The following TRDN variants were observed in gnomAD, a reference collection of about 807,000 sequenced individuals.
TRDN encodes triadin.
Under a neutral mutation model 149.7 loss-of-function variants are expected in TRDN, and 161 were observed. The ratio of observed to expected loss-of-function variants is 1.08; its 90% CI spans 0.95 to 1.23. TRDN has a LOEUF of 1.23. Among genes scored for constraint, TRDN ranks in the 50% most tolerant of loss-of-function variants. TRDN has a pLI of 0.00. For missense variants in TRDN, 896 were observed against 823.5 expected (o/e 1.09, Z -1.08); for synonymous variants, 294 against 250.5 (o/e 1.17, Z -1.64).
At chr6:123,258,490 T>G (rs987054170) in intron 35 of TRDN, among the ~76,000 whole-genome samples, 1 of 152,166 alleles carries the variant, frequency 6.6e-6, no homozygotes, top group African/African-American at 2.4e-5. Flanking sequence ...GAAGCTGACT[T>G]GATTGTGGTG....
At position 123,279,771 on chromosome 6, in the gene TRDN, G is replaced by A. The variant is rs566284379; in HGVS notation, c.1511-689C>T. 6.0e-4 allele frequency among the ~76,000 whole-genome samples: 91 copies of A among 151,876 alleles called. No individual in the cohort carries two copies. The South Asian group carries it at 6.2e-3, about 10-fold the overall frequency. ...TTGATCACTTTCCCTTTCTTTTTAA[G>A]TTCCTGTTCACTTGGCTTTTGGGAA... On this transcript the variant is annotated intron_variant, in intron 24 of 40. Transcript: ENST00000334268.
intron 1 of TRDN, among the ~76,000 whole-genome samples, chr6:123,599,566 G>C (rs1162794942): frequency 6.6e-6 from 1 of 151,456 alleles, no homozygotes; most frequent in African/African-American, 2.4e-5. Flanking sequence ...CCATTTTTTT[G>C]TTAATCCCTT....
At chr6:123,508,466 C>G (rs1779028243) in intron 7 of TRDN, among the ~76,000 whole-genome samples, 1 of 152,092 alleles carries the variant, frequency 6.6e-6, no homozygotes. Context: ...TAACCTCTGC[C>G]ACATCATCAA....
At chr6:123,517,653 T>C (rs1303403926) in intron 5 of TRDN, among the ~76,000 whole-genome samples, 1 of 152,108 alleles carries the variant, frequency 6.6e-6, no homozygotes, top group African/African-American at 2.4e-5. Flanking sequence ...TGCTAGTAGC[T>C]CCACAAGCAC....
chr6:123,491,129 G>A (rs1446840453), intron 9 of TRDN, among the ~76,000 whole-genome samples: 4 of 150,590 alleles, frequency 2.7e-5, no homozygotes, highest in East Asian at 1.9e-4. Flanking sequence ...AAGAAGGAAC[G>A]AAAGAAGGAA....
intron 38 of TRDN, among the ~76,000 whole-genome samples, chr6:123,240,176 C>A (rs1775936954): frequency 6.6e-6 from 1 of 151,824 alleles, no homozygotes; most frequent in African/African-American, 2.4e-5. Context: ...AGTGAAGTTA[C>A]AGTATTTGTA....
At chr6:123,366,420 T>C (rs945794971) in intron 19 of TRDN, among the ~76,000 whole-genome samples, 8 of 152,148 alleles carry the variant, frequency 5.3e-5, no homozygotes, top group African/African-American at 1.9e-4. Context: ...AAAATGTAGG[T>C]AGTGACCATA....
At chr6:123,399,354 C>CTT (rs1772866581) in intron 12 of TRDN, among the ~76,000 whole-genome samples, 1 of 152,098 alleles carries the variant, frequency 6.6e-6, no homozygotes, top group Admixed American at 6.6e-5. Flanking sequence ...CTTAAGTAAT[C>CTT]AACAATTTAG....
intron 1 of TRDN, among the ~76,000 whole-genome samples, chr6:123,634,982 A>G (rs1251079837): frequency 1.3e-5 from 2 of 151,992 alleles, no homozygotes; most frequent in Non-Finnish European, 2.9e-5. Context: ...TTCATAATCA[A>G]GAATTTTCCT....
At chr6:123,226,764 G>A (rs1367289394) in intron 38 of TRDN, among the ~76,000 whole-genome samples, 1 of 151,870 alleles carries the variant, frequency 6.6e-6, no homozygotes, top group Non-Finnish European at 1.5e-5. Context: ...TGAGTGAGTG[G>A]TAGTTTTGAT....
intron 9 of TRDN, among the ~76,000 whole-genome samples, chr6:123,490,692 C>T (rs1778176095): frequency 1.3e-5 from 2 of 152,154 alleles, no homozygotes; most frequent in South Asian, 2.1e-4. Context: ...GTGCCAAAAT[C>T]TGTGGTTTCT....
intron 20 of TRDN, among the ~76,000 whole-genome samples, chr6:123,363,369 A>C (rs1780970301): frequency 6.6e-6 from 1 of 152,200 alleles, no homozygotes; most frequent in South Asian, 2.1e-4. Context: ...GTTACTTGAC[A>C]AATGAGAAAA....
chr6:123,609,468 C>G (rs531671586), intron 1 of TRDN, among the ~76,000 whole-genome samples: 2 of 152,020 alleles, frequency 1.3e-5, no homozygotes, highest in Non-Finnish European at 1.5e-5. Context: ...TACTTTCTTA[C>G]TTTTATAACT....
At chr6:123,616,843 C>T (rs1583329399) in intron 1 of TRDN, among the ~76,000 whole-genome samples, 1 of 152,184 alleles carries the variant, frequency 6.6e-6, no homozygotes, top group South Asian at 2.1e-4. Context: ...TTCTGATCCC[C>T]ATTTTTTTTT....
chr6:123,244,855 G>A (rs934034114), intron 38 of TRDN, among the ~76,000 whole-genome samples: 1 of 152,100 alleles, frequency 6.6e-6, no homozygotes, highest in Non-Finnish European at 1.5e-5. Context: ...GAAAGGTCAG[G>A]TCACCCACAA....
intron 9 of TRDN, among the ~76,000 whole-genome samples, chr6:123,480,768 T>C (rs2114768609): frequency 6.6e-6 from 1 of 152,230 alleles, no homozygotes; most frequent in South Asian, 2.1e-4. Flanking sequence ...GTAACAAATT[T>C]GCTTCTCAAG....
intron 9 of TRDN, among the ~76,000 whole-genome samples, chr6:123,477,955 C>G (rs997900805): frequency 6.6e-6 from 1 of 151,832 alleles, no homozygotes; most frequent in East Asian, 2.0e-4. Context: ...ATATACCTAA[C>G]GCGAGATGAC....
intron 21 of TRDN, among the ~76,000 whole-genome samples, chr6:123,346,090 T>A (rs912635562): frequency 8.5e-5 from 13 of 152,076 alleles, no homozygotes; most frequent in African/African-American, 2.9e-4. Flanking sequence ...AAAGCGAACA[T>A]CCTTGCCGTG....
At chr6:123,377,977 C>A in intron 16 of TRDN, 79 bp from the exon 17 acceptor site, 1 of 1,078,868 alleles carries the variant, frequency 9.3e-7, no homozygotes, top group Non-Finnish European at 1.3e-6. Context: ...TGTTTTAACA[C>A]AAAGAAACAT....
Sources: allele counts gnomAD v4.1 joint callset (sites outside exome capture counted in the v4.1 genomes callset), GRCh38; gene constraint gnomAD v4.1.1; transcripts MANE v1.5; gene names NCBI Gene and HGNC (gene_info 2026-07-23, HGNC 2026-07-21).